MARK1: variants seen among roughly 807,000 people sequenced by gnomAD.
The protein encoded by MARK1 is serine/threonine-protein kinase MARK1.
In MARK1, 40 loss-of-function variants were observed where a neutral mutation model predicts 96.3. The ratio of observed to expected loss-of-function variants is 0.42; its 90% CI spans 0.32 to 0.54. The LOEUF (loss-of-function observed/expected upper bound fraction) is 0.54, where lower values mean the gene tolerates loss of function less well. Among genes scored for constraint, MARK1 ranks in the 20% least tolerant of loss-of-function variants. The probability of loss-of-function intolerance (pLI) is 0.16; values close to 1 mark genes in which losing one functional copy is unlikely to be tolerated. For synonymous variants in MARK1, 317 were observed against 341.2 expected (o/e 0.93, Z 0.78); for missense variants, 719 against 984.6 (o/e 0.73, Z 3.61).
intron 1 of MARK1, among the ~76,000 whole-genome samples, chr1:220,575,701 A>G (rs950525039): frequency 6.6e-6 from 1 of 152,034 alleles, no homozygotes; most frequent in Non-Finnish European, 1.5e-5. Flanking sequence ...TTTATTTAAG[A>G]CATATAAATG....
intron 1 of MARK1, among the ~76,000 whole-genome samples, chr1:220,564,941 A>C (rs1662933818): frequency 6.6e-6 from 1 of 151,878 alleles, no homozygotes; most frequent in Admixed American, 6.6e-5. Context: ...CATTATTCTC[A>C]TTTTCTTCTT....
In MARK1 at chr1:220,528,200, C is replaced by A. The variant is rs1378104021; in HGVS notation, c.-623C>A. The A allele has an allele frequency of 6.7e-6, 1 of 150,346 alleles. No individual in the cohort carries two copies. Among genetic ancestry groups the A allele is most frequent in the Non-Finnish European group, 1.5e-5 (1 of 67,384 alleles). 9.3% of individuals were successfully genotyped at this position (150,346 alleles called of 1,614,324 possible). On this transcript the variant is annotated 5_prime_UTR_variant, in exon 1 of 18. Transcript: ENST00000366917. ...CCGCGCCCGCTGCTCCGCGCGCAGCCGGCTCGGGCCGCTCCTCCTGACTGA... is the reference window on the plus strand; with the variant it reads ...CCGCGCCCGCTGCTCCGCGCGCAGCAGGCTCGGGCCGCTCCTCCTGACTGA...
chr1:220,622,885 C>T (rs1403606494), intron 9 of MARK1, among the ~76,000 whole-genome samples: 1 of 152,062 alleles, frequency 6.6e-6, no homozygotes, highest in Admixed American at 6.6e-5. Flanking sequence ...ACCCTGTCTC[C>T]AAATAAGATA....
At chr1:220,626,143 G>C in intron 9 of MARK1, 1 of 615,314 alleles carries the variant, frequency 1.6e-6, no homozygotes, top group African/African-American at 1.8e-5. Flanking sequence ...GAATTGGGCT[G>C]GGGGCCTGAA....
chr1:220,572,869 T>C (rs567463509), intron 1 of MARK1, among the ~76,000 whole-genome samples: 251 of 152,352 alleles, frequency 1.6e-3, no homozygotes, highest in Middle Eastern at 6.8e-3. Context: ...TTTTTGTTAA[T>C]CTAAAAATGT....
chr1:220,538,995 A>G (rs1278877788), intron 1 of MARK1, among the ~76,000 whole-genome samples: 79 of 152,174 alleles, frequency 5.2e-4, no homozygotes, highest in African/African-American at 1.8e-3. Flanking sequence ...TTCTAGATAT[A>G]CAATCATGTC....
intron 1 of MARK1, among the ~76,000 whole-genome samples, chr1:220,537,132 C>T (rs1660755047): frequency 1.3e-5 from 2 of 150,336 alleles, no homozygotes; most frequent in African/African-American, 4.9e-5. Context: ...TACATGTGCA[C>T]AATGTGCAGG....
chr1:220,616,476 G>A (rs1666756154), intron 7 of MARK1, among the ~76,000 whole-genome samples: 1 of 152,122 alleles, frequency 6.6e-6, no homozygotes, highest in Admixed American at 6.5e-5. Context: ...TCAATAAATG[G>A]TTGTGCCACA....
chr1:220,661,141 T>TAAAGAAGTCCAAATTTACA (rs1391241666), intron 17 of MARK1, among the ~76,000 whole-genome samples: 4 of 152,140 alleles, frequency 2.6e-5, no homozygotes, highest in African/African-American at 9.7e-5. Context: ...AGGAGCAGCA[T>TAAAGAAGTCCAAATTTACA]GGAGGCCATT....
chr1:220,632,713 A>T (rs965675694), intron 11 of MARK1, among the ~76,000 whole-genome samples: 1 of 152,218 alleles, frequency 6.6e-6, no homozygotes, highest in Non-Finnish European at 1.5e-5. Flanking sequence ...TTTTTAAAAG[A>T]GGTAACTCCA....
chr1:220,647,522 A>T (rs1668647235), intron 13 of MARK1, among the ~76,000 whole-genome samples: 1 of 152,182 alleles, frequency 6.6e-6, no homozygotes, highest in Admixed American at 6.5e-5. Flanking sequence ...ATATCATTTG[A>T]CCCAGCAATC....
At chr1:220,570,986 T>C (rs917999150) in intron 1 of MARK1, among the ~76,000 whole-genome samples, 2 of 152,188 alleles carry the variant, frequency 1.3e-5, no homozygotes, top group Admixed American at 1.3e-4. Flanking sequence ...TATTTTTGTG[T>C]TTTATGTTTT....
At chr1:220,579,138 C>T (rs1183288931) in intron 1 of MARK1, among the ~76,000 whole-genome samples, 2 of 152,034 alleles carry the variant, frequency 1.3e-5, no homozygotes, top group Admixed American at 1.3e-4. Context: ...CACCACCATG[C>T]TTGGCCTGAA....
At chr1:220,546,651 T>G (rs1397460948) in intron 1 of MARK1, among the ~76,000 whole-genome samples, 1 of 152,210 alleles carries the variant, frequency 6.6e-6, no homozygotes, top group Non-Finnish European at 1.5e-5. Flanking sequence ...TTTGTAAAGA[T>G]AGTGTCCAGC....
At chr1:220,613,769 T>C (rs1469232368) in intron 6 of MARK1, among the ~76,000 whole-genome samples, 1 of 152,180 alleles carries the variant, frequency 6.6e-6, no homozygotes, top group Non-Finnish European at 1.5e-5. Flanking sequence ...TAGAACCTTC[T>C]GTATTTTGGG....
intron 13 of MARK1, among the ~76,000 whole-genome samples, chr1:220,648,084 C>G (rs1369336929): frequency 1.3e-5 from 2 of 150,328 alleles, no homozygotes; most frequent in Non-Finnish European, 3.0e-5. Flanking sequence ...AAAGAAACAA[C>G]ATTTTAAAAA....
chr1:220,585,110 T>C (rs1205764091), intron 3 of MARK1, among the ~76,000 whole-genome samples: 1 of 152,204 alleles, frequency 6.6e-6, no homozygotes, highest in African/African-American at 2.4e-5. Flanking sequence ...CCTAGAGCTT[T>C]TTTGAGGGTT....
intron 6 of MARK1, among the ~76,000 whole-genome samples, chr1:220,609,467 C>T (rs2994527): frequency 0.19 from 28,159 of 152,076 alleles, 3,307 homozygotes; most frequent in East Asian, 0.36. Context: ...TGAGATGGGT[C>T]TCCTGAATAC....
At chr1:220,615,858 T>C in intron 6 of MARK1, 81 bp from the exon 7 acceptor site, 1 of 726,912 alleles carries the variant, frequency 1.4e-6, no homozygotes, top group Non-Finnish European at 2.4e-6. Flanking sequence ...GAATTAGTAA[T>C]TTATCTAAAT....
Sources: allele counts gnomAD v4.1 joint callset (sites outside exome capture counted in the v4.1 genomes callset), GRCh38; gene constraint gnomAD v4.1.1; transcripts MANE v1.5; gene names NCBI Gene and HGNC (gene_info 2026-07-23, HGNC 2026-07-21).